Variants in ENTREP2 observed in about 807,000 individuals in gnomAD.
ENTREP2 encodes protein ENTREP2.
At chr15:29,269,512 G>A in the ENTREP2 span, 13 of 1,595,116 alleles carry the variant, frequency 8.1e-6, no homozygotes, top group African/African-American at 1.2e-4. Context: ...GGCGCCCTGA[G>A]GCGAGGGGCC....
the ENTREP2 span, among the ~76,000 whole-genome samples, chr15:29,515,212 C>T: frequency 6.6e-6 from 1 of 152,158 alleles, no homozygotes; most frequent in African/African-American, 2.4e-5. Context: ...TGCAGAGCAG[C>T]CAGAGTGGGT....
the ENTREP2 span, among the ~76,000 whole-genome samples, chr15:29,217,268 GC>G: frequency 2.5e-4 from 38 of 152,266 alleles, no homozygotes; most frequent in African/African-American, 8.4e-4. Context: ...TGAGGAAGGG[GC>G]TGCCAGTGAA....
At chr15:29,506,977 T>C in the ENTREP2 span, among the ~76,000 whole-genome samples, 9 of 151,252 alleles carry the variant, frequency 6.0e-5, no homozygotes, top group Non-Finnish European at 1.0e-4. Context: ...GGATAAAGAG[T>C]CAAGACCCAT....
chr15:29,465,753 T>C, the ENTREP2 span, among the ~76,000 whole-genome samples: 1 of 152,238 alleles, frequency 6.6e-6, no homozygotes, highest in Non-Finnish European at 1.5e-5. Flanking sequence ...ATAATTTTTA[T>C]AATTCTTTAA....
At chr15:29,150,652 G>A in the ENTREP2 span, among the ~76,000 whole-genome samples, 390 of 152,306 alleles carry the variant, frequency 2.6e-3, 3 homozygotes, top group African/African-American at 9.0e-3. Flanking sequence ...TGACAGCTGT[G>A]TGGATATACA....
the ENTREP2 span, among the ~76,000 whole-genome samples, chr15:29,263,924 C>T: frequency 6.6e-6 from 1 of 152,070 alleles, no homozygotes; most frequent in Non-Finnish European, 1.5e-5. Context: ...TTTGGGAGGC[C>T]GAAGTGGATC....
At chr15:29,317,043 A>C in the ENTREP2 span, among the ~76,000 whole-genome samples, 1 of 152,206 alleles carries the variant, frequency 6.6e-6, no homozygotes, top group African/African-American at 2.4e-5. Flanking sequence ...ATTTTCCTAA[A>C]CATCACATCA....
chr15:29,381,455 C>CAAAAAAAA, the ENTREP2 span, among the ~76,000 whole-genome samples: 22 of 44,300 alleles, frequency 5.0e-4, 1 homozygote, highest in African/African-American at 1.6e-3. Context: ...GACTCTGTCT[C>CAAAAAAAA]AAAAAAAAAA....
chr15:29,306,448 G>A, the ENTREP2 span, among the ~76,000 whole-genome samples: 5 of 152,020 alleles, frequency 3.3e-5, no homozygotes, highest in African/African-American at 1.2e-4. Context: ...AGAAGAAAAA[G>A]GTTTGCTTTT....
chr15:29,638,587 A>C, the ENTREP2 span, among the ~76,000 whole-genome samples: 18,869 of 152,216 alleles, frequency 0.12, 2,089 homozygotes, highest in African/African-American at 0.3. Flanking sequence ...AATTAATAAA[A>C]AACAAAGGGC....
At chr15:29,615,995 C>T in the ENTREP2 span, among the ~76,000 whole-genome samples, 1 of 152,168 alleles carries the variant, frequency 6.6e-6, no homozygotes, top group Admixed American at 6.5e-5. Context: ...GGACAGCAGC[C>T]CCCACCCCGG....
At chr15:29,266,656 C>A in the ENTREP2 span, 1 of 152,048 alleles carries the variant, frequency 6.6e-6, no homozygotes, top group Non-Finnish European at 1.5e-5. Flanking sequence ...CACGTAACAC[C>A]GCTTATATAA....
At chr15:29,134,401 A>G in the ENTREP2 span, among the ~76,000 whole-genome samples, 1 of 152,148 alleles carries the variant, frequency 6.6e-6, no homozygotes, top group Admixed American at 6.5e-5. Context: ...CACTGTCTGC[A>G]GCCTGCCTGG....
the ENTREP2 span, among the ~76,000 whole-genome samples, chr15:29,315,967 C>G: frequency 1.8e-5 from 2 of 111,032 alleles, no homozygotes; most frequent in African/African-American, 7.2e-5. Flanking sequence ...AATGAAAGGA[C>G]AAAGCGAAAA....
At chr15:29,235,320 TC>T in the ENTREP2 span, among the ~76,000 whole-genome samples, 1 of 152,254 alleles carries the variant, frequency 6.6e-6, no homozygotes, top group Non-Finnish European at 1.5e-5. Context: ...TTTTGTATAC[TC>T]CTTCTTTTAC....
the ENTREP2 span, among the ~76,000 whole-genome samples, chr15:29,424,655 T>G: frequency 0.064 from 9,695 of 152,150 alleles, 1,048 homozygotes; most frequent in African/African-American, 0.22. Context: ...CCCTGCAAAG[T>G]CCTGGTTTAT....
At chr15:29,492,425 A>G in the ENTREP2 span, among the ~76,000 whole-genome samples, 1 of 152,224 alleles carries the variant, frequency 6.6e-6, no homozygotes, top group Non-Finnish European at 1.5e-5. Flanking sequence ...TGTGATTTCC[A>G]TGTGTTAGAG....
the ENTREP2 span, among the ~76,000 whole-genome samples, chr15:29,403,573 A>G: frequency 6.6e-6 from 1 of 152,212 alleles, no homozygotes; most frequent in African/African-American, 2.4e-5. Context: ...GAACTATACA[A>G]TAGGAACTGA....
chr15:29,394,529 T>C, the ENTREP2 span, among the ~76,000 whole-genome samples: 1 of 152,182 alleles, frequency 6.6e-6, no homozygotes, highest in East Asian at 1.9e-4. Context: ...CTTAGGCATA[T>C]ATTAGGGTTT....
Sources: allele counts gnomAD v4.1 joint callset (sites outside exome capture counted in the v4.1 genomes callset), GRCh38; gene constraint gnomAD v4.1.1; transcripts MANE v1.5; gene names NCBI Gene and HGNC (gene_info 2026-07-23, HGNC 2026-07-21).